The following FAHD2A variants were observed in gnomAD, a reference collection of about 807,000 sequenced individuals.
FAHD2A encodes the protein oxaloacetate tautomerase FAHD2A, mitochondrial.
FAHD2A carries 27 observed loss-of-function variants against 33.4 expected under a neutral mutation model. The observed-to-expected ratio is 0.81, with a 90% CI of 0.60 to 1.11. FAHD2A has a LOEUF of 1.11. Among genes scored for constraint, FAHD2A ranks in the 50% most tolerant of loss-of-function variants. The probability of loss-of-function intolerance (pLI) is 0.00; values close to 1 mark genes in which losing one functional copy is unlikely to be tolerated. For missense variants in FAHD2A, 296 were observed against 395.0 expected (o/e 0.75, Z 2.12); for synonymous variants, 130 against 153.3 (o/e 0.85, Z 1.12).
In FAHD2A at chr2:95,416,311, T is replaced by C. The variant is rs1384836279; in HGVS notation, c.*3354T>C. 2 of 152,262 alleles carry C rather than the reference T, an allele frequency of 1.3e-5. No individual in the cohort carries two copies. Among genetic ancestry groups the C allele is most frequent in the Non-Finnish European group, 2.9e-5 (2 of 68,106 alleles). The allele number at this position is 152,262 out of a possible 1,614,324, so 9.4% of individuals were successfully genotyped here. A position where few individuals can be genotyped will look rare whatever the true frequency, so the allele number is the denominator to read the frequency against. Reference sequence around the variant, plus strand: ...AGTCCATATGCAGTGAGTACCGTGTTGAGGGAGGACAAGGTCACCAAGAGC... The same window carrying C: ...AGTCCATATGCAGTGAGTACCGTGTCGAGGGAGGACAAGGTCACCAAGAGC... On this transcript the variant is annotated 3_prime_UTR_variant, in exon 8 of 8. Coordinates refer to ENST00000233379, the MANE Select transcript of FAHD2A (RefSeq NM_016044.3).
chr2:95,418,237 G>A (rs1683262408), downstream of FAHD2A, among the ~76,000 whole-genome samples: 1 of 151,850 alleles, frequency 6.6e-6, no homozygotes, highest in African/African-American at 2.4e-5. Flanking sequence ...TGGTAGTATG[G>A]GGTTGGGGGT....
chr2:95,413,074 T>C lies in FAHD2A; in HGVS notation c.*117T>C. Reference sequence around the variant, plus strand: ...TGCCAGCCCTGCAAGCCGCCTCTTCTCGGTAGAAGGGAGAAGGACAGAGCT... The same window carrying C: ...TGCCAGCCCTGCAAGCCGCCTCTTCCCGGTAGAAGGGAGAAGGACAGAGCT... On this transcript the variant is annotated 3_prime_UTR_variant, in exon 8 of 8. Coordinates refer to ENST00000233379, the MANE Select transcript of FAHD2A (RefSeq NM_016044.3). 1 of 1,332,366 alleles carries C rather than the reference T, an allele frequency of 7.5e-7. No homozygotes were observed. Among genetic ancestry groups the C allele is most frequent in the Non-Finnish European group, 1.0e-6 (1 of 964,748 alleles). 82.5% of individuals were successfully genotyped at this position (1,332,366 alleles called of 1,614,324 possible).
rs2104380891 is a variant in FAHD2A at position 95,412,943 on chromosome 2, A to C, written c.931A>C (p.Asn311His). 11 of 1,614,164 alleles carry C rather than the reference A, an allele frequency of 6.8e-6. No homozygotes were observed. The highest frequency in any genetic ancestry group is 9.3e-6 in the Non-Finnish European group (11 of 1,180,018). Reference protein sequence around the residue: ...CEIEELGVIINKVV With the variant: ...CEIEELGVIIHKVV ...GATTGAAGAACTAGGTGTCATCATCAACAAGGTGGTGTGATGGCTCCTGCA... is the reference window on the plus strand; with the variant it reads ...GATTGAAGAACTAGGTGTCATCATCCACAAGGTGGTGTGATGGCTCCTGCA... The change falls in exon 8 of 8, where the codon AAC becomes CAC. Residue 311 changes from asparagine (N) to histidine (H), a missense_variant. Asn to His is a moderately conservative substitution (Grantham distance 68). Transcript: ENST00000233379.
downstream of FAHD2A, among the ~76,000 whole-genome samples, chr2:95,419,901 A>G (rs1683290917): frequency 6.6e-6 from 1 of 151,956 alleles, no homozygotes; most frequent in Non-Finnish European, 1.5e-5. Flanking sequence ...GTGATTATGG[A>G]GCTGAGAATT....
chr2:95,407,415 C>T (rs1163618207), intron 3 of FAHD2A: 1 of 564,012 alleles, frequency 1.8e-6, no homozygotes, highest in East Asian at 3.1e-5. Flanking sequence ...CACCCATAAT[C>T]CCACTGCCCA....
At position 95,414,208 on chromosome 2, in the gene FAHD2A, C is replaced by G; in HGVS notation, c.*1251C>G. ...GGGGGCAGCAGCCACCAGCAAACAC[C>G]ACTGCCTGCAGGAGCCTGGGCTGAC... is the stretch of plus-strand genomic sequence containing the variant. On this transcript the variant is annotated 3_prime_UTR_variant, in exon 8 of 8. Coordinates refer to ENST00000233379, the MANE Select transcript of FAHD2A (RefSeq NM_016044.3). 3.8e-6 allele frequency: 6 copies of G among 1,592,136 alleles called. No homozygotes were observed. The highest frequency in any genetic ancestry group is 5.1e-6 in the Non-Finnish European group (6 of 1,170,466).
intron 5 of FAHD2A, 69 bp downstream of exon 5, chr2:95,411,095 T>C (rs948844783): frequency 2.7e-5 from 43 of 1,588,072 alleles, no homozygotes; most frequent in Admixed American, 3.4e-5. Flanking sequence ...GGGAGGAGCA[T>C]GGGTTCAGGT....
downstream of FAHD2A, among the ~76,000 whole-genome samples, chr2:95,418,785 A>C (rs1181386404): frequency 6.6e-6 from 1 of 152,096 alleles, no homozygotes; most frequent in African/African-American, 2.4e-5. Flanking sequence ...AAGGACATTA[A>C]GGCGGTCTTA....
downstream of FAHD2A, among the ~76,000 whole-genome samples, chr2:95,420,874 A>G (rs1472735804): frequency 2.0e-5 from 3 of 152,092 alleles, no homozygotes; most frequent in Admixed American, 2.0e-4. Flanking sequence ...ATAGAATCCT[A>G]GAAATTCAGA....
Position 95,414,305 on chromosome 2 carries a change from G to T in FAHD2A, c.*1348G>T. On this transcript the variant is annotated 3_prime_UTR_variant, in exon 8 of 8. Coordinates refer to ENST00000233379, the MANE Select transcript of FAHD2A (RefSeq NM_016044.3). ...AGGAACTGGAACAGCTGTTGGAGAGGAGAAGAAAAAGAAGACATCAAAAAG... is the reference window on the plus strand; with the variant it reads ...AGGAACTGGAACAGCTGTTGGAGAGTAGAAGAAAAAGAAGACATCAAAAAG... 1 of 1,164,598 alleles carries T rather than the reference G, an allele frequency of 8.6e-7. No individual in the cohort carries two copies. The highest frequency in any genetic ancestry group is 1.3e-6 in the Non-Finnish European group (1 of 776,320). 72.1% of individuals were successfully genotyped at this position (1,164,598 alleles called of 1,614,324 possible).
chr2:95,407,236 A>C, intron 3 of FAHD2A, 79 bp downstream of exon 3: 1 of 1,559,694 alleles, frequency 6.4e-7, no homozygotes, highest in Admixed American at 1.7e-5. Flanking sequence ...AGCCTACTGG[A>C]GCCACCTCTC....
downstream of FAHD2A, among the ~76,000 whole-genome samples, chr2:95,417,596 C>A (rs906080787): frequency 2.9e-4 from 44 of 152,134 alleles, no homozygotes; most frequent in African/African-American, 1.0e-3. Flanking sequence ...TCAGTTCAGG[C>A]TTCTATAACA....
intron 4 of FAHD2A, 37 bp from the exon 5 acceptor site, chr2:95,410,827 C>A (rs2104370371): frequency 1.2e-6 from 2 of 1,611,682 alleles, no homozygotes; most frequent in African/African-American, 2.7e-5. Flanking sequence ...CACCCATGAT[C>A]TAACCTCCTG....
At chr2:95,406,253 AGT>A (rs1681540720) in intron 2 of FAHD2A, among the ~76,000 whole-genome samples, 1 of 139,152 alleles carries the variant, frequency 7.2e-6, no homozygotes, top group Non-Finnish European at 1.5e-5. Context: ...ATTAGGTGAG[AGT>A]GTCCCTGAAG....
downstream of FAHD2A, among the ~76,000 whole-genome samples, chr2:95,420,906 C>T (rs1484192267): frequency 6.6e-6 from 1 of 151,980 alleles, no homozygotes; most frequent in Non-Finnish European, 1.5e-5. Context: ...ACAACACTTT[C>T]CTTAACCTTT....
At chr2:95,412,838 C>T (rs1682767076) in intron 7 of FAHD2A, 57 bp from the exon 8 acceptor site, 3 of 1,614,120 alleles carry the variant, frequency 1.9e-6, no homozygotes, top group African/African-American at 2.7e-5. Flanking sequence ...GAAGTACAGG[C>T]TTGTGTATGT....
downstream of FAHD2A, among the ~76,000 whole-genome samples, chr2:95,416,870 C>A (rs1367080000): frequency 1.3e-5 from 2 of 152,234 alleles, no homozygotes; most frequent in African/African-American, 4.8e-5. Flanking sequence ...TTCTTTCCCT[C>A]GTCTCTCTGC....
chr2:95,414,367 G>T lies in FAHD2A; in HGVS notation c.*1410G>T. On this transcript the variant is annotated 3_prime_UTR_variant, in exon 8 of 8. Transcript: ENST00000233379. ...CTGGGTGGATATAGAGTATGAAGAT[G>T]TGGAGCTGGGAAAACAGAGGATGTG... is the stretch of plus-strand genomic sequence containing the variant. The T allele has an allele frequency of 1.4e-6, 1 of 697,270 alleles. No homozygotes were observed. Among genetic ancestry groups the T allele is most frequent in the Non-Finnish European group, 2.6e-6 (1 of 384,590 alleles). 43.2% of individuals were successfully genotyped at this position (697,270 alleles called of 1,614,324 possible).
At chr2:95,408,169 T>A (rs1279263486) in intron 3 of FAHD2A, among the ~76,000 whole-genome samples, 1 of 151,402 alleles carries the variant, frequency 6.6e-6, no homozygotes, top group Non-Finnish European at 1.5e-5. Flanking sequence ...ATGGCTTGCA[T>A]GACCATCCCA....
Sources: allele counts gnomAD v4.1 joint callset (sites outside exome capture counted in the v4.1 genomes callset), GRCh38; gene constraint gnomAD v4.1.1; transcripts MANE v1.5; gene names NCBI Gene and HGNC (gene_info 2026-07-23, HGNC 2026-07-21).